The following MAPKBP1 variants were observed in gnomAD, a reference collection of about 807,000 sequenced individuals.
MAPKBP1 encodes mitogen-activated protein kinase binding protein 1, also known as mitogen-activated protein kinase-binding protein 1.
In MAPKBP1, 71 loss-of-function variants were observed where a neutral mutation model predicts 170.5. That is an observed-to-expected ratio of 0.42 (90% confidence interval 0.34 to 0.51). The LOEUF (loss-of-function observed/expected upper bound fraction) is 0.51. MAPKBP1 is among the 20% of genes least tolerant of loss of function. The probability of loss-of-function intolerance (pLI) is 0.06; values close to 1 mark genes in which losing one functional copy is unlikely to be tolerated. For missense variants in MAPKBP1, 1,598 were observed against 1,933.0 expected, an observed-to-expected ratio of 0.83 and a Z score of 3.25; for synonymous variants, 719 against 757.9, an observed-to-expected ratio of 0.95 and a Z score of 0.84.
intron 3 of MAPKBP1, among the ~76,000 whole-genome samples, chr15:41,802,123 T>C (rs911767418): frequency 6.6e-6 from 1 of 152,166 alleles, no homozygotes; most frequent in African/African-American, 2.4e-5. Flanking sequence ...GGTATTTGTA[T>C]ATTTAAACAT....
intron 28 of MAPKBP1, 41 bp from the exon 29 acceptor site, chr15:41,823,406 C>A (rs1207858739): frequency 6.3e-7 from 1 of 1,575,570 alleles, no homozygotes. Flanking sequence ...GGGATGCCTT[C>A]CTCAACACCT....
At position 41,822,920 on chromosome 15, in the gene MAPKBP1, C is replaced by G. The variant is rs1198729288; in HGVS notation, c.3315-19C>G. ...CATTGAGCCTTCTCTGGGCCTTCTCCCACATGTTCTCCCTGTAGGGAACCA... is the reference window on the plus strand; with the variant it reads ...CATTGAGCCTTCTCTGGGCCTTCTCGCACATGTTCTCCCTGTAGGGAACCA... On this transcript the variant is annotated intron_variant, in intron 27 of 30. Coordinates refer to ENST00000457542, the MANE Select transcript of MAPKBP1 (RefSeq NM_014994.3). 1.9e-6 allele frequency: 3 copies of G among 1,586,324 alleles called. No individual in the cohort carries two copies. Among genetic ancestry groups the G allele is most frequent in the Non-Finnish European group, 2.6e-6 (3 of 1,162,296 alleles).
rs545389724 is a variant in MAPKBP1 at position 41,821,898 on chromosome 15, G to T, written c.2886-67G>T. 76 of 1,572,058 alleles carry T rather than the reference G, an allele frequency of 4.8e-5. 1 individual carries two copies. In the East Asian group the frequency reaches 1.6e-3, roughly 34 times the overall value. Reference sequence around the variant, plus strand: ...CATCCCTCACCCTGATCACAGGCAGGAGTCCAGCGGGGCTGCTGCCTACCC... The same window carrying T: ...CATCCCTCACCCTGATCACAGGCAGTAGTCCAGCGGGGCTGCTGCCTACCC... On this transcript the variant is annotated intron_variant, in intron 24 of 30. Coordinates refer to ENST00000457542, the MANE Select transcript of MAPKBP1 (RefSeq NM_014994.3).
intron 2 of MAPKBP1, among the ~76,000 whole-genome samples, chr15:41,779,652 T>G (rs1442441587): frequency 6.6e-6 from 1 of 152,210 alleles, no homozygotes; most frequent in East Asian, 1.9e-4. Context: ...GCCCCTGCCT[T>G]TCTGAGTAGC....
chr15:41,817,802 C>CT lies in MAPKBP1; in HGVS notation c.1904+68dup. On this transcript the variant is annotated intron_variant, in intron 16 of 30. Coordinates refer to ENST00000457542, the MANE Select transcript of MAPKBP1 (RefSeq NM_014994.3). This position sits in a 1 kb window ranked among gnomAD's most constrained non-coding sequence, Gnocchi z 4.2. ...TCCCTACGGGGTCAGCTCTGTGCAG[C>CT]TAAGTTCCCACATCTGTCGTTCTGT... is the stretch of plus-strand genomic sequence containing the variant. The CT allele has an allele frequency of 6.3e-7, 1 of 1,593,416 alleles. No individual in the cohort carries two copies.
chr15:41,811,873 G>T, intron 5 of MAPKBP1, 84 bp from the exon 6 acceptor site: 1 of 1,438,776 alleles, frequency 7.0e-7, no homozygotes, highest in South Asian at 1.2e-5. Context: ...CTGAGGAGGC[G>T]AGGGCCCCGC....
chr15:41,816,572 C>A lies in MAPKBP1; in HGVS notation c.1507C>A (p.Gln503Lys), dbSNP rs2064895448. 5 of 1,614,082 alleles carry A rather than the reference C, an allele frequency of 3.1e-6. No individual in the cohort carries two copies. Among genetic ancestry groups the A allele is most frequent in the Non-Finnish European group, 4.2e-6 (5 of 1,179,950 alleles). The change falls in exon 13 of 31, where the codon CAG (glutamine) becomes AAG (lysine). Residue 503 changes from glutamine to lysine, a missense_variant. Gln to Lys is a moderately conservative substitution (Grantham distance 53). Coordinates refer to ENST00000457542, the MANE Select transcript of MAPKBP1 (RefSeq NM_014994.3). ...TCATCTTTGCAGGGTGCACGAACTT[C>A]AGTCCCTGAGTGAGATGCTGAAGGT... ...RMGTLRVHEL[Q>K]SLSEMLKVEA...
At position 41,825,239 on chromosome 15, in the gene MAPKBP1, C is replaced by T; in HGVS notation, c.4330C>T (p.Gln1444Ter). Residue 1444 changes from glutamine (Q) to a stop codon, truncating the protein, a stop_gained, in exon 31 of 31, where the codon CAA (glutamine) becomes TAA (stop). Transcript: ENST00000457542. LOFTEE classifies it high-confidence loss of function. ...VAGCKMPSAE[Q>*]SRIAQLLRDT... ...TGGCTGCAAGATGCCCTCAGCAGAG[C>T]AAAGTCGGATTGCCCAGCTCCTCAG... 1.3e-6 allele frequency: 2 copies of T among 1,599,162 alleles called. No homozygotes were observed. The highest frequency in any genetic ancestry group is 1.1e-5 in the South Asian group (1 of 90,478).
At chr15:41,814,875 A>C in intron 10 of MAPKBP1, 136 bp downstream of exon 10, 4 of 1,125,594 alleles carry the variant, frequency 3.6e-6, no homozygotes, top group Non-Finnish European at 5.2e-6. Flanking sequence ...TCCCTGGGAT[A>C]GATCCTGGGG....
chr15:41,789,733 T>C (rs997327491), intron 2 of MAPKBP1, among the ~76,000 whole-genome samples: 2 of 152,230 alleles, frequency 1.3e-5, no homozygotes, highest in Admixed American at 6.5e-5. Flanking sequence ...AGAACCCATT[T>C]TTTAGACCCA....
At chr15:41,814,010 T>A (rs949508728) in intron 9 of MAPKBP1, among the ~76,000 whole-genome samples, 3 of 152,118 alleles carry the variant, frequency 2.0e-5, no homozygotes, top group African/African-American at 7.2e-5. Flanking sequence ...GAGGGACATA[T>A]GGGATTTGGG....
rs781435995 is a variant in MAPKBP1, at chr15:41,820,937, A to G, written c.2587A>G (p.Met863Val). The G allele has an allele frequency of 2.5e-6, 4 of 1,614,214 alleles. No homozygotes were observed. The Admixed American group carries it at 6.7e-5, about 27-fold the overall frequency. ...AGGTGTGGAACTGAGCGTTAGATCC[A>G]TGCTGGATCTGCGGCAGCTGGAAAC... Reference protein sequence around the residue: ...QPGVELSVRSMLDLRQLETLA... With the variant: ...QPGVELSVRSVLDLRQLETLA... The change falls in exon 23 of 31, where the codon ATG (methionine) becomes GTG (valine). Residue 863 changes from methionine to valine, a missense_variant. Transcript: ENST00000457542.
chr15:41,811,894 G>T, intron 5 of MAPKBP1, 63 bp from the exon 6 acceptor site: 1 of 1,566,778 alleles, frequency 6.4e-7, no homozygotes, highest in Non-Finnish European at 8.8e-7. Flanking sequence ...TCTGGAAGAC[G>T]AAGTGGGGCT....
rs1366930153 is a variant in MAPKBP1 at position 41,818,426 on chromosome 15, C to T, written c.2093-93C>T. ...GACCCGCAGAGCTACCTATCCCTAC[C>T]CTGCAGCCAACCCCCGTGTCCACTG... On this transcript the variant is annotated intron_variant, in intron 18 of 30. Transcript: ENST00000457542. This position sits in a 1 kb window ranked among gnomAD's most constrained non-coding sequence, Gnocchi z 5.2. 3 of 1,443,188 alleles carry T rather than the reference C, an allele frequency of 2.1e-6. No individual in the cohort carries two copies. The highest frequency in any genetic ancestry group is 2.8e-5 in the African/African-American group (2 of 71,484). The allele number at this position is 1,443,188 out of a possible 1,614,324, so 89.4% of individuals were successfully genotyped here.
In MAPKBP1 at chr15:41,825,747, G is replaced by A. The variant is rs897208927; in HGVS notation, c.*311G>A. The A allele has an allele frequency of 6.4e-6, 2 of 310,388 alleles. No homozygotes were observed. Among genetic ancestry groups the A allele is most frequent in the Non-Finnish European group, 1.2e-5 (2 of 166,868 alleles). The allele number at this position is 310,388 out of a possible 1,614,324, so 19.2% of individuals were successfully genotyped here. ...CCTGCCCCATCTAGGAATCTGGGAA[G>A]GGCTGGCCCTCTCTTAGAAGCCATT... On this transcript the variant is annotated 3_prime_UTR_variant, in exon 31 of 31. Coordinates refer to ENST00000457542, the MANE Select transcript of MAPKBP1 (RefSeq NM_014994.3).
At chr15:41,786,627 T>C (rs1310244837) in intron 2 of MAPKBP1, among the ~76,000 whole-genome samples, 1 of 149,776 alleles carries the variant, frequency 6.7e-6, no homozygotes, top group Non-Finnish European at 1.5e-5. Flanking sequence ...TAGCTGGGCG[T>C]GGTGGCGGGT....
Position 41,826,658 on chromosome 15 carries a change from T to TG in MAPKBP1, c.*1223dup, listed in dbSNP as rs2065103054. On this transcript the variant is annotated 3_prime_UTR_variant, in exon 31 of 31. Transcript: ENST00000457542. ...GTAGAAGGAGCCTCCTCAAAGGCAG[T>TG]GCTGGGCACCCACGGGTGTGCTGGA... 6.6e-6 allele frequency: 1 copy of TG among 151,338 alleles called. No individual in the cohort carries two copies. Among genetic ancestry groups the TG allele is most frequent in the African/African-American group, 2.4e-5 (1 of 41,188 alleles). The allele number at this position is 151,338 out of a possible 1,614,324, so 9.4% of individuals were successfully genotyped here.
chr15:41,826,868 A>T lies in MAPKBP1; in HGVS notation c.*1432A>T, dbSNP rs2065108919. The T allele has an allele frequency of 6.6e-6, 1 of 152,226 alleles. No homozygotes were observed. The highest frequency in any genetic ancestry group is 2.4e-5 in the African/African-American group (1 of 41,414). 9.4% of individuals were successfully genotyped at this position (152,226 alleles called of 1,614,324 possible). On this transcript the variant is annotated 3_prime_UTR_variant, in exon 31 of 31. Coordinates refer to ENST00000457542, the MANE Select transcript of MAPKBP1 (RefSeq NM_014994.3). ...TGGGACCATGTCGTGAGGCAGTTGA[A>T]GAGTTGAGGAAAGGTTTTTCTGGGC...
chr15:41,783,708 G>A (rs1489599716), intron 2 of MAPKBP1, among the ~76,000 whole-genome samples: 3 of 152,196 alleles, frequency 2.0e-5, no homozygotes, highest in Non-Finnish European at 4.4e-5. Flanking sequence ...TTGTGGGCGC[G>A]TAGCTGGGAG....
Sources: gnomAD v4.1 joint callset for allele counts (sites outside exome capture counted in the v4.1 genomes callset) on GRCh38, gnomAD v4.1.1 for gene constraint, Gnocchi (gnomAD v3.1) non-coding constraint, MANE v1.5 for transcripts, NCBI Gene and HGNC (gene_info 2026-07-23, HGNC 2026-07-21) for gene names.